RGS7: variants seen among roughly 807,000 people sequenced by gnomAD.
The protein encoded by RGS7 is regulator of G protein signaling 7.
RGS7 carries 27 observed loss-of-function variants against 81.1 expected under a neutral mutation model. That is an observed-to-expected ratio of 0.33 (90% CI 0.25 to 0.46). The LOEUF is 0.46. Among genes scored for constraint, RGS7 ranks in the 20% least tolerant of loss-of-function variants. RGS7 has a pLI of 1.00. For synonymous variants in RGS7, 208 were observed against 207.7 expected (o/e 1.00, Z -0.01); for missense variants, 396 against 607.4 (o/e 0.65, Z 3.66).
At chr1:241,196,792 G>A (rs12734656) in intron 2 of RGS7, among the ~76,000 whole-genome samples, 26,553 of 151,714 alleles carry the variant, frequency 0.18, 3,002 homozygotes, top group Non-Finnish European at 0.25. Flanking sequence ...GGGTAAATGA[G>A]GCTAAAGTGT....
Position 241,051,932 on chromosome 1 carries a change from C to A in RGS7, c.175+46734G>T, listed in dbSNP as rs186538307. Among the ~76,000 whole-genome samples, 8 of 152,154 alleles carry A rather than the reference C, an allele frequency of 5.3e-5. 1 individual carries two copies. Among genetic ancestry groups the A allele is most frequent in the Admixed American group, 3.3e-4 (5 of 15,270 alleles). On this transcript the variant is annotated intron_variant, in intron 3 of 18. Coordinates refer to ENST00000440928, the MANE Select transcript of RGS7 (RefSeq NM_001364886.1). ...TAAAGAACTTGTCCACAACCGTACA[C>A]GTATCATGTGGCGCAGTCAGTCCTC... is the stretch of plus-strand genomic sequence containing the variant.
intron 2 of RGS7, among the ~76,000 whole-genome samples, chr1:241,222,511 A>C (rs1290199651): frequency 6.6e-6 from 1 of 152,184 alleles, no homozygotes; most frequent in East Asian, 1.9e-4. Flanking sequence ...TGTTGGTGAA[A>C]GGCTTCATCT....
At chr1:240,857,687 A>G (rs759858213) in intron 9 of RGS7, among the ~76,000 whole-genome samples, 1 of 151,928 alleles carries the variant, frequency 6.6e-6, no homozygotes, top group African/African-American at 2.4e-5. Context: ...AAGTCCTTCC[A>G]TGTCTTTTTG....
intron 4 of RGS7, among the ~76,000 whole-genome samples, chr1:240,941,524 C>T (rs1480858982): frequency 1.3e-5 from 2 of 151,982 alleles, no homozygotes; most frequent in Admixed American, 6.6e-5. Flanking sequence ...GTAAATGACA[C>T]ACCAAGAATA....
chr1:241,265,558 G>A (rs569072808), intron 2 of RGS7, among the ~76,000 whole-genome samples: 7 of 152,274 alleles, frequency 4.6e-5, no homozygotes, highest in African/African-American at 1.7e-4. Flanking sequence ...AGACGGCTGG[G>A]GCTGGGGACA....
chr1:240,847,701 A>C (rs1288716699), intron 9 of RGS7, among the ~76,000 whole-genome samples: 1 of 152,206 alleles, frequency 6.6e-6, no homozygotes, highest in Non-Finnish European at 1.5e-5. Flanking sequence ...AAATCATGGA[A>C]GAGTATGCCA....
intron 2 of RGS7, among the ~76,000 whole-genome samples, chr1:241,322,806 G>GCCTT (rs907568722): frequency 6.6e-6 from 1 of 152,124 alleles, no homozygotes; most frequent in Non-Finnish European, 1.5e-5. Flanking sequence ...ATCACCAATA[G>GCCTT]CCTTACCTTT....
At chr1:240,848,633 G>GTTTT (rs5782165) in intron 9 of RGS7, among the ~76,000 whole-genome samples, 2,741 of 149,032 alleles carry the variant, frequency 0.018, 92 homozygotes, top group African/African-American at 0.064. Context: ...ATAACGAGAG[G>GTTTT]TTTTTTTTTT....
At position 241,144,949 on chromosome 1, in the gene RGS7, G is replaced by T. The variant is rs2068199427; in HGVS notation, c.79-46187C>A. 1.3e-5 allele frequency among the ~76,000 whole-genome samples: 2 copies of T among 151,296 alleles called. No homozygotes were observed. The highest frequency in any genetic ancestry group is 2.9e-5 in the Non-Finnish European group (2 of 67,892). On this transcript the variant is annotated intron_variant, in intron 2 of 18. Transcript: ENST00000440928. This position sits in a 1 kb window ranked among gnomAD's most constrained non-coding sequence, Gnocchi z 4.7. ...ATGGTGTGTGTGTGTGTGTGTGTGT[G>T]TGTGTGTGTGTGTGTTCGTGTTCAT...
Position 241,220,979 on chromosome 1 carries a change from A to AG in RGS7, c.79-122218_79-122217insC, listed in dbSNP as rs1379234576. On this transcript the variant is annotated intron_variant, in intron 2 of 18. Coordinates refer to ENST00000440928, the MANE Select transcript of RGS7 (RefSeq NM_001364886.1). ...GAAGGAAGGAAGGAAGGAAGGAAGG[A>AG]AGGAAGGAAGGAAGGAAGAGAGAGA... 3.5e-4 allele frequency among the ~76,000 whole-genome samples: 28 copies of AG among 79,604 alleles called. 1 individual carries two copies. The East Asian group carries it at 8.9e-3, about 25-fold the overall frequency. 52.2% of individuals were successfully genotyped at this position (79,604 alleles called of 152,430 possible).
intron 2 of RGS7, among the ~76,000 whole-genome samples, chr1:241,196,953 G>C (rs2073118130): frequency 7.1e-6 from 1 of 140,976 alleles, no homozygotes; most frequent in Admixed American, 7.1e-5. Context: ...TGGGGAGAAA[G>C]GGAAAAATAA....
intron 2 of RGS7, among the ~76,000 whole-genome samples, chr1:241,156,601 G>A (rs1007229377): frequency 6.7e-6 from 1 of 149,706 alleles, no homozygotes; most frequent in Non-Finnish European, 1.5e-5. Flanking sequence ...GGAGACGAGG[G>A]GAGGGGAGGG....
intron 2 of RGS7, among the ~76,000 whole-genome samples, chr1:241,162,182 C>T (rs183200771): frequency 1.3e-5 from 2 of 150,248 alleles, no homozygotes; most frequent in African/African-American, 4.9e-5. Context: ...AAAGAAAGAC[C>T]GTCTCCCAAT....
intron 6 of RGS7, among the ~76,000 whole-genome samples, chr1:240,907,476 G>A (rs143627884): frequency 0.017 from 2,512 of 143,696 alleles, 27 homozygotes; most frequent in Non-Finnish European, 0.025. Context: ...AAATACTAAA[G>A]TTTGCTCAAG....
At chr1:241,059,958 C>G (rs1186274469) in intron 3 of RGS7, among the ~76,000 whole-genome samples, 1 of 150,758 alleles carries the variant, frequency 6.6e-6, no homozygotes, top group Non-Finnish European at 1.5e-5. Context: ...TCATCATATC[C>G]ACAGTCAGTC....
Position 240,810,508 on chromosome 1 carries a change from G to A in RGS7, c.1082+1410C>T, listed in dbSNP as rs180948656. Among the ~76,000 whole-genome samples the A allele has an allele frequency of 7.9e-3, 1,140 of 145,108 alleles. 14 individuals carry two copies. The highest frequency in any genetic ancestry group is 0.028 in the African/African-American group (1,102 of 39,182). On this transcript the variant is annotated intron_variant, in intron 14 of 18. Coordinates refer to ENST00000440928, the MANE Select transcript of RGS7 (RefSeq NM_001364886.1). Reference sequence around the variant, plus strand: ...GTTGCCCAGGCTGGAGTGCAGTGGTGCAATCTCAGCTCACTGCAACCTCCA... The same window carrying A: ...GTTGCCCAGGCTGGAGTGCAGTGGTACAATCTCAGCTCACTGCAACCTCCA...
At chr1:240,798,251 T>TA (rs1343127170) in intron 18 of RGS7, among the ~76,000 whole-genome samples, 19 of 152,214 alleles carry the variant, frequency 1.2e-4, no homozygotes, top group Admixed American at 1.2e-3. Flanking sequence ...CTGTTTATTA[T>TA]AATTTTTCTC....
intron 2 of RGS7, among the ~76,000 whole-genome samples, chr1:241,140,751 TCTC>T (rs2103082079): frequency 6.6e-6 from 1 of 152,296 alleles, no homozygotes; most frequent in South Asian, 2.1e-4. Context: ...AAGTGTGTCT[TCTC>T]CTTTTTGCTG....
intron 6 of RGS7, among the ~76,000 whole-genome samples, chr1:240,886,009 C>T (rs536042411): frequency 2.9e-4 from 44 of 152,104 alleles, no homozygotes; most frequent in Non-Finnish European, 5.3e-4. Context: ...TGCTCTTTTG[C>T]TTATCGTATT....
Sources: allele counts gnomAD v4.1 joint callset (sites outside exome capture counted in the v4.1 genomes callset), GRCh38; gene constraint gnomAD v4.1.1; non-coding constraint Gnocchi (gnomAD v3.1); transcripts MANE v1.5; gene names NCBI Gene and HGNC (gene_info 2026-07-23, HGNC 2026-07-21).